Variants in TRPM3 observed in about 807,000 individuals in gnomAD.
TRPM3 encodes the protein transient receptor potential cation channel subfamily M member 3.
TRPM3 carries 77 observed loss-of-function variants against 181.2 expected under a neutral mutation model. The ratio of observed to expected loss-of-function variants is 0.42; its 90% CI spans 0.35 to 0.51. The LOEUF (loss-of-function observed/expected upper bound fraction) is 0.51, where lower values mean the gene tolerates loss of function less well. TRPM3 is among the 20% of genes least tolerant of loss of function. TRPM3 has a pLI of 0.01. For synonymous variants in TRPM3, 745 were observed against 796.4 expected (o/e 0.94, Z 1.09); for missense variants, 1,759 against 2,196.7 (o/e 0.80, Z 3.98).
chr9:70,770,824 G>A (rs2080099823), intron 7 of TRPM3, among the ~76,000 whole-genome samples: 1 of 152,136 alleles, frequency 6.6e-6, no homozygotes, highest in African/African-American at 2.4e-5. Flanking sequence ...AGAACATTAG[G>A]GGCTTTTGCA....
chr9:71,343,063 G>A (rs966377217), intron 1 of TRPM3, among the ~76,000 whole-genome samples: 1 of 152,066 alleles, frequency 6.6e-6, no homozygotes, highest in Non-Finnish European at 1.5e-5. Context: ...ATAAACCAGA[G>A]AATTATATAG....
At chr9:71,350,809 T>C (rs938871295) in intron 1 of TRPM3, among the ~76,000 whole-genome samples, 1 of 152,208 alleles carries the variant, frequency 6.6e-6, no homozygotes, top group African/African-American at 2.4e-5. Flanking sequence ...AGCTTTATCT[T>C]TAGTCATACA....
intron 1 of TRPM3, among the ~76,000 whole-genome samples, chr9:70,974,863 ATTTTT>A (rs1177545043): frequency 1.7e-5 from 2 of 117,974 alleles, no homozygotes; most frequent in African/African-American, 3.2e-5. Flanking sequence ...TGGAACATCA[ATTTTT>A]TTTTTTTTTT....
rs535473569 is a variant in TRPM3 at position 70,916,723 on chromosome 9, G to T, written c.178-52212C>A. ...AGTGCTTAGACTTTCTAAAGAATAA[G>T]CCATAAATAGGAAATAAGAAAGAAA... On this transcript the variant is annotated intron_variant, in intron 1 of 25. Transcript: ENST00000677713. Among the ~76,000 whole-genome samples, 13 of 152,234 alleles carry T rather than the reference G, an allele frequency of 8.5e-5. No individual in the cohort carries two copies. In the South Asian group the frequency reaches 2.7e-3, roughly 32 times the overall value.
intron 5 of TRPM3, among the ~76,000 whole-genome samples, chr9:70,832,516 T>C (rs1351023287): frequency 1.3e-5 from 2 of 152,172 alleles, no homozygotes; most frequent in Admixed American, 1.3e-4. Flanking sequence ...CTGTATACTT[T>C]GACTTTGAAA....
In TRPM3 at chr9:70,637,558, C is replaced by T. The variant is rs529120255; in HGVS notation, c.1581+1502G>A. 2.6e-5 allele frequency among the ~76,000 whole-genome samples: 4 copies of T among 151,848 alleles called. No individual in the cohort carries two copies. The South Asian group carries it at 8.3e-4, about 32-fold the overall frequency. ...TATTTATTTTTTTTAATTGAAAACC[C>T]ATTATTCTTCCTGAAAGTCTCAGTA... On this transcript the variant is annotated intron_variant, in intron 11 of 25. Transcript: ENST00000677713.
chr9:71,279,805 C>T (rs562448766), intron 1 of TRPM3, among the ~76,000 whole-genome samples: 76 of 152,232 alleles, frequency 5.0e-4, no homozygotes, highest in African/African-American at 1.7e-3. Context: ...CGGCCGGGCG[C>T]GGTGGCTCAT....
Position 71,408,887 on chromosome 9 carries a change from C to T in TRPM3, c.183+37766G>A, listed in dbSNP as rs189713936. On this transcript the variant is annotated intron_variant, in intron 1 of 24. Transcript: ENST00000357533. ...GGGTTACCCACAAAGGGAAGCCCAT[C>T]GGACTAGCAGCTGATCTCTCAGCAG... Among the ~76,000 whole-genome samples the T allele has an allele frequency of 2.9e-3, 445 of 152,264 alleles. 1 individual carries two copies. Among genetic ancestry groups the T allele is most frequent in the African/African-American group, 4.5e-3 (186 of 41,562 alleles).
At chr9:71,420,705 GAGAA>G (rs1352197381) in intron 1 of TRPM3, among the ~76,000 whole-genome samples, 2 of 131,388 alleles carry the variant, frequency 1.5e-5, no homozygotes, top group African/African-American at 5.5e-5. Flanking sequence ...GAGAAAGAGA[GAGAA>G]AGAAAGAGAG....
intron 19 of TRPM3, among the ~76,000 whole-genome samples, chr9:70,604,240 A>G (rs1564519344): frequency 6.6e-6 from 1 of 152,160 alleles, no homozygotes; most frequent in Non-Finnish European, 1.5e-5. Context: ...AGAACTCCCT[A>G]GGGTTTGGTG....
intron 11 of TRPM3, 64 bp downstream of exon 11, chr9:70,638,985 AGGCATATGGGG>A (rs1564658183): frequency 3.3e-6 from 5 of 1,508,174 alleles, no homozygotes; most frequent in African/African-American, 1.4e-5. Flanking sequence ...AGAGAATCAC[AGGCATATGGGG>A]GGCAGGAGAA....
At chr9:70,784,521 G>A (rs1008620089) in intron 6 of TRPM3, among the ~76,000 whole-genome samples, 6 of 152,140 alleles carry the variant, frequency 3.9e-5, no homozygotes, top group Non-Finnish European at 7.3e-5. Flanking sequence ...GCTGGGGTCA[G>A]TGAAGGCACG....
intron 1 of TRPM3, among the ~76,000 whole-genome samples, chr9:71,341,833 C>G (rs1181706725): frequency 6.6e-6 from 1 of 151,758 alleles, no homozygotes; most frequent in Non-Finnish European, 1.5e-5. Context: ...TGAGGACATT[C>G]CACTTTTGTG....
intron 1 of TRPM3, among the ~76,000 whole-genome samples, chr9:71,074,624 G>A (rs1048914499): frequency 6.6e-6 from 1 of 152,154 alleles, no homozygotes; most frequent in Non-Finnish European, 1.5e-5. Context: ...AAATAATGAT[G>A]ATAGAAGTTT....
At chr9:71,126,949 C>T (rs1310458669) in intron 1 of TRPM3, among the ~76,000 whole-genome samples, 2 of 151,992 alleles carry the variant, frequency 1.3e-5, no homozygotes, top group Non-Finnish European at 2.9e-5. Flanking sequence ...TCTCCCAGAG[C>T]ATAGTTTTCC....
intron 1 of TRPM3, among the ~76,000 whole-genome samples, chr9:71,213,654 A>G (rs1303867141): frequency 6.6e-6 from 1 of 152,124 alleles, no homozygotes; most frequent in African/African-American, 2.4e-5. Context: ...CATCTTTTTA[A>G]AAAAGAGGTA....
intron 1 of TRPM3, among the ~76,000 whole-genome samples, chr9:71,439,971 A>T (rs1236522327): frequency 6.6e-6 from 1 of 152,024 alleles, no homozygotes; most frequent in Admixed American, 6.6e-5. Context: ...AATATTAAAA[A>T]AATTAGCCGG....
chr9:70,654,272 G>A (rs1457075029), intron 9 of TRPM3, among the ~76,000 whole-genome samples: 1 of 152,132 alleles, frequency 6.6e-6, no homozygotes, highest in Non-Finnish European at 1.5e-5. Flanking sequence ...TGAAGAGAAA[G>A]GGCATTTGCT....
chr9:71,241,609 C>T (rs2081689474), intron 1 of TRPM3, among the ~76,000 whole-genome samples: 1 of 151,950 alleles, frequency 6.6e-6, no homozygotes, highest in African/African-American at 2.4e-5. Flanking sequence ...AACTAACCTG[C>T]ATGTTGTGCA....
Sources: gnomAD v4.1 joint callset for allele counts (sites outside exome capture counted in the v4.1 genomes callset) on GRCh38, gnomAD v4.1.1 for gene constraint, MANE v1.5 for transcripts, NCBI Gene and HGNC (gene_info 2026-07-23, HGNC 2026-07-21) for gene names.